The following OR56A3 variants were observed in gnomAD, a reference collection of about 807,000 sequenced individuals.
OR56A3 encodes olfactory receptor family 56 subfamily A member 3, also known as olfactory receptor 56A3.
OR56A3 carries 23 observed loss-of-function variants against 17.5 expected under a neutral mutation model. That is an observed-to-expected ratio of 1.32 (90% CI 0.95 to 1.87). The LOEUF (loss-of-function observed/expected upper bound fraction) is 1.87, where lower values mean the gene tolerates loss of function less well. OR56A3 is among the 40% of genes most tolerant of loss of function. The probability of loss-of-function intolerance (pLI) is 0.00; values close to 1 mark genes in which losing one functional copy is unlikely to be tolerated. For missense variants in OR56A3, 366 were observed against 380.1 expected (o/e 0.96, Z 0.31); for synonymous variants, 175 against 150.6 (o/e 1.16, Z -1.19).
chr11:5,962,853 C>T, the OR56A3 span, among the ~76,000 whole-genome samples: 3 of 152,140 alleles, frequency 2.0e-5, no homozygotes, highest in Non-Finnish European at 4.4e-5. Flanking sequence ...TAGTGAGATA[C>T]TTCTACTACT....
the OR56A3 span, chr11:5,994,699 G>T: frequency 1.2e-6 from 1 of 830,646 alleles, no homozygotes; most frequent in Non-Finnish European, 2.1e-6. Flanking sequence ...GACGGGCATT[G>T]TCGATTTGCA....
chr11:5,979,548 G>A, the OR56A3 span, among the ~76,000 whole-genome samples: 1 of 152,048 alleles, frequency 6.6e-6, no homozygotes, highest in Non-Finnish European at 1.5e-5. Flanking sequence ...CCGTATTTTT[G>A]TGGAGTCAGT....
At chr11:5,957,410 T>C in the OR56A3 span, among the ~76,000 whole-genome samples, 5 of 152,232 alleles carry the variant, frequency 3.3e-5, no homozygotes, top group East Asian at 9.6e-4. Context: ...TCTTTTATGT[T>C]TTGTTATTTT....
At chr11:5,964,724 T>G in the OR56A3 span, among the ~76,000 whole-genome samples, 1 of 152,212 alleles carries the variant, frequency 6.6e-6, no homozygotes, top group Non-Finnish European at 1.5e-5. Flanking sequence ...GGTTTCTATC[T>G]GGCACTGAGG....
the OR56A3 span, among the ~76,000 whole-genome samples, chr11:6,013,538 G>A: frequency 6.6e-6 from 1 of 152,148 alleles, no homozygotes; most frequent in Non-Finnish European, 1.5e-5. Flanking sequence ...CAGGAACCCA[G>A]TGCCCTCAGC....
intron 1 of OR56A3, among the ~76,000 whole-genome samples, chr11:5,944,110 T>C (rs117238218): frequency 1.3e-5 from 2 of 152,302 alleles, no homozygotes; most frequent in African/African-American, 2.4e-5. Flanking sequence ...AGTTTTGTTC[T>C]AGGGGTTATT....
chr11:5,989,274 T>C, the OR56A3 span, among the ~76,000 whole-genome samples: 1 of 152,206 alleles, frequency 6.6e-6, no homozygotes, highest in Admixed American at 6.5e-5. Context: ...CATTTCTCAT[T>C]TTTTAGCTAA....
the OR56A3 span, chr11:6,001,731 T>G: frequency 4.5e-6 from 1 of 222,700 alleles, no homozygotes; most frequent in Non-Finnish European, 8.7e-6. Context: ...ATAAAGTTTG[T>G]TTCTTTAGTG....
At chr11:6,003,376 T>G in the OR56A3 span, among the ~76,000 whole-genome samples, 1 of 152,218 alleles carries the variant, frequency 6.6e-6, no homozygotes, top group African/African-American at 2.4e-5. Context: ...GTTTATATGA[T>G]TTCAGTACAC....
At position 5,948,485 on chromosome 11, in the gene OR56A3, T is replaced by G. The variant is rs948664878; in HGVS notation, c.*191T>G. The stretch of plus-strand genomic sequence containing the variant: ...TTTCACCCTTTTCTCAGAAATATTC[T>G]TGGCCCTCTCTCGTTTTATTCCATG... On this transcript the variant is annotated 3_prime_UTR_variant, in exon 3 of 3. Coordinates refer to ENST00000641160, the MANE Select transcript of OR56A3 (RefSeq NM_001003443.3). 2.4e-5 allele frequency: 13 copies of G among 553,036 alleles called. No individual in the cohort carries two copies. The Admixed American group carries it at 2.6e-4, about 11-fold the overall frequency. The allele number at this position is 553,036 out of a possible 1,614,324, so 34.3% of individuals were successfully genotyped here.
At chr11:6,020,944 A>C in the OR56A3 span, 36 of 152,056 alleles carry the variant, frequency 2.4e-4, no homozygotes, top group African/African-American at 8.4e-4. Context: ...GTTAAGAGAA[A>C]ATTTTAGAAT....
the OR56A3 span, among the ~76,000 whole-genome samples, chr11:5,958,902 T>G: frequency 6.6e-6 from 1 of 152,242 alleles, no homozygotes; most frequent in Non-Finnish European, 1.5e-5. Context: ...TGTGTCTGGC[T>G]TATTTCACTT....
chr11:5,955,104 G>A (rs74594226), downstream of OR56A3, among the ~76,000 whole-genome samples: 915 of 152,302 alleles, frequency 6.0e-3, 10 homozygotes, highest in African/African-American at 0.021. Flanking sequence ...GGGCCAGAAT[G>A]TGTTTAATCT....
chr11:5,959,948 G>A, the OR56A3 span, among the ~76,000 whole-genome samples: 1 of 151,990 alleles, frequency 6.6e-6, no homozygotes, highest in Admixed American at 6.6e-5. Flanking sequence ...GTGTGTTATT[G>A]GCATCTTTGT....
chr11:5,993,407 C>T, the OR56A3 span, among the ~76,000 whole-genome samples: 1 of 152,178 alleles, frequency 6.6e-6, no homozygotes, highest in Non-Finnish European at 1.5e-5. Flanking sequence ...AGATGATACT[C>T]TTTCTTTAAC....
At chr11:5,947,061 A>T in intron 2 of OR56A3, among the ~76,000 whole-genome samples, 1 of 80,578 alleles carries the variant, frequency 1.2e-5, no homozygotes, top group South Asian at 3.0e-4. Flanking sequence ...TAGTTTCTCT[A>T]AAAAAAACAA....
the OR56A3 span, among the ~76,000 whole-genome samples, chr11:6,018,742 T>A: frequency 9.3e-6 from 1 of 107,216 alleles, no homozygotes; most frequent in Non-Finnish European, 1.9e-5. Flanking sequence ...AAAGTGAAAA[T>A]TTGATTTTTG....
chr11:6,004,613 G>A, the OR56A3 span, among the ~76,000 whole-genome samples: 1 of 152,092 alleles, frequency 6.6e-6, no homozygotes, highest in African/African-American at 2.4e-5. Flanking sequence ...ACCCATTGTA[G>A]GGCCTTAAAA....
chr11:5,983,743 A>G, the OR56A3 span, among the ~76,000 whole-genome samples: 1 of 152,212 alleles, frequency 6.6e-6, no homozygotes, highest in Non-Finnish European at 1.5e-5. Flanking sequence ...AGGGTCACTA[A>G]TACAATTGGG....
Sources: allele counts gnomAD v4.1 joint callset (sites outside exome capture counted in the v4.1 genomes callset), GRCh38; gene constraint gnomAD v4.1.1; transcripts MANE v1.5; gene names NCBI Gene and HGNC (gene_info 2026-07-23, HGNC 2026-07-21).